SETD9: variants seen among roughly 807,000 people sequenced by gnomAD.
The protein encoded by SETD9 is SET domain-containing protein 9.
SETD9 carries 37 observed loss-of-function variants against 36.4 expected under a neutral mutation model. The ratio of observed to expected loss-of-function variants is 1.02; its 90% CI spans 0.78 to 1.34. SETD9 has a LOEUF of 1.34. SETD9 is among the 40% of genes most tolerant of loss of function. The probability of loss-of-function intolerance (pLI) is 0.00; values close to 1 mark genes in which losing one functional copy is unlikely to be tolerated. For synonymous variants in SETD9, 128 were observed against 132.9 expected (o/e 0.96, Z 0.26); for missense variants, 323 against 353.2 (o/e 0.91, Z 0.69).
At chr5:56,910,442 AC>A in intron 1 of SETD9, 3 of 1,265,606 alleles carry the variant, frequency 2.4e-6, no homozygotes, top group Non-Finnish European at 3.1e-6. Context: ...TCAGCTCAAC[AC>A]CGTGCTCACC....
At chr5:56,909,980 T>G (rs1418217890) in intron 1 of SETD9, 16 of 1,293,920 alleles carry the variant, frequency 1.2e-5, no homozygotes, top group East Asian at 2.8e-5. Context: ...CGAGGCCCGC[T>G]GGAAGCCTGA....
chr5:56,918,665 T>G (rs1263347913), downstream of SETD9, among the ~76,000 whole-genome samples: 1 of 152,194 alleles, frequency 6.6e-6, no homozygotes, highest in Non-Finnish European at 1.5e-5. Context: ...CAGAGCCCTA[T>G]GTGCTAAGGT....
chr5:56,909,588 C>T (rs1748980779), upstream of SETD9: 7 of 1,427,630 alleles, frequency 4.9e-6, no homozygotes, highest in South Asian at 7.6e-5. Flanking sequence ...CCGGGGCGGG[C>T]CCGAGGCCTC....
chr5:56,917,053 A>G lies in SETD9; in HGVS notation c.*151A>G. On this transcript the variant is annotated 3_prime_UTR_variant, in exon 6 of 6. Coordinates refer to ENST00000285947, the MANE Select transcript of SETD9 (RefSeq NM_153706.4). ...TTATGTTTTTGTTGATATTATATTTATGTTCCAATTTCATGATAAAAGCTA... is the reference window on the plus strand; with the variant it reads ...TTATGTTTTTGTTGATATTATATTTGTGTTCCAATTTCATGATAAAAGCTA... 1.5e-6 allele frequency: 2 copies of G among 1,318,108 alleles called. No homozygotes were observed. The highest frequency in any genetic ancestry group is 1.9e-6 in the Non-Finnish European group (2 of 1,039,330). 81.7% of individuals were successfully genotyped at this position (1,318,108 alleles called of 1,614,324 possible).
downstream of SETD9, chr5:56,922,340 T>C (rs573649994): frequency 6.6e-6 from 1 of 152,578 alleles, no homozygotes; most frequent in South Asian, 2.1e-4. Flanking sequence ...CATCTTCAAA[T>C]GCCAAAACTG....
At chr5:56,923,577 T>C in intron 5 of SETD9, 1 of 1,612,518 alleles carries the variant, frequency 6.2e-7, no homozygotes, top group East Asian at 2.2e-5. Flanking sequence ...GCTACACTGT[T>C]GGTCAAAGCT....
chr5:56,916,464 T>A (rs1010212241), intron 5 of SETD9, among the ~76,000 whole-genome samples: 6 of 152,226 alleles, frequency 3.9e-5, no homozygotes, highest in South Asian at 2.1e-4. Flanking sequence ...TTTTAAGTAA[T>A]GTTTTCATTT....
chr5:56,911,175 C>T lies in SETD9; in HGVS notation c.105C>T (p.Leu35=). 1 of 1,538,936 alleles carries T rather than the reference C, an allele frequency of 6.5e-7. No individual in the cohort carries two copies. Among genetic ancestry groups the T allele is most frequent in the South Asian group, 1.3e-5 (1 of 76,802 alleles). ...ALNLSHNPRT[L]RYVPEESKDK... ...AAACTTTTCCCATTTTCAGGACCCT[C>T]CGATATGTTCCAGAGGAATCCAAAG... The change falls in exon 2 of 6, where the codon CTC becomes CTT. Residue 35 remains leucine (L), a synonymous_variant. Transcript: ENST00000285947.
At position 56,913,097 on chromosome 5, in the gene SETD9, G is replaced by T. The variant is rs771705767; in HGVS notation, c.553G>T (p.Asp185Tyr). 1.2e-6 allele frequency: 2 copies of T among 1,614,100 alleles called. No homozygotes were observed. The highest frequency in any genetic ancestry group is 1.7e-6 in the Non-Finnish European group (2 of 1,179,994). Residue 185 changes from aspartate to tyrosine, a missense_variant, in exon 3 of 6, where the codon GAT becomes TAT. Transcript: ENST00000285947. Reference sequence around the variant, plus strand: ...TAGATGCCTGGATGGGGTACTCATTGATGGGAATGACAAAGGGATATCAAA... The same window carrying T: ...TAGATGCCTGGATGGGGTACTCATTTATGGGAATGACAAAGGGATATCAAA... ...IFRCLDGVLI[D>Y]GNDKGISKVV...
At chr5:56,925,603 A>C (rs1749930784), downstream of SETD9, 2 of 199,016 alleles carry the variant, frequency 1.0e-5, no homozygotes, top group Non-Finnish European at 2.1e-5. Flanking sequence ...TAAAGAAATC[A>C]AAGAAGAACT....
chr5:56,920,528 C>T (rs766136489), downstream of SETD9: 2 of 152,412 alleles, frequency 1.3e-5, no homozygotes, highest in Non-Finnish European at 2.9e-5. Flanking sequence ...ATTATTGTTT[C>T]TTCACATGAT....
At position 56,909,654 on chromosome 5, in the gene SETD9, C is replaced by G. The variant is rs754991442; in HGVS notation, c.9C>G (p.Gly3=). 2 of 1,606,986 alleles carry G rather than the reference C, an allele frequency of 1.2e-6. No homozygotes were observed. The highest frequency in any genetic ancestry group is 1.7e-6 in the Non-Finnish European group (2 of 1,177,560). Residue 3 remains glycine, a synonymous_variant, in exon 1 of 6, where the codon GGC becomes GGG. Coordinates refer to ENST00000285947, the MANE Select transcript of SETD9 (RefSeq NM_153706.4). Reference sequence around the variant, plus strand: ...GGCCCCGCGGGGCAGCCATGCCTGGCCGTCTGCTGCGGGGCCTGTGGCAGC... The same window carrying G: ...GGCCCCGCGGGGCAGCCATGCCTGGGCGTCTGCTGCGGGGCCTGTGGCAGC... MP[G]RLLRGLWQRW...
chr5:56,918,856 A>C (rs1013069174), downstream of SETD9, among the ~76,000 whole-genome samples: 1 of 152,216 alleles, frequency 6.6e-6, no homozygotes, highest in Non-Finnish European at 1.5e-5. Context: ...AGGAAATGAA[A>C]TATGGGGACA....
At chr5:56,919,126 C>CTTCT (rs1749545489), downstream of SETD9, among the ~76,000 whole-genome samples, 1 of 132,566 alleles carries the variant, frequency 7.5e-6, no homozygotes, top group Non-Finnish European at 1.6e-5. Context: ...TTTGGGACTT[C>CTTCT]TTTTTTTTTT....
chr5:56,919,873 T>C (rs1258280845), downstream of SETD9: 2 of 152,728 alleles, frequency 1.3e-5, no homozygotes, highest in East Asian at 1.9e-4. Flanking sequence ...ATAAAACTAA[T>C]AGTTTCCTCC....
chr5:56,922,032 TCA>T (rs1177030946), downstream of SETD9: 3 of 152,626 alleles, frequency 2.0e-5, no homozygotes, highest in East Asian at 5.8e-4. Context: ...AGATAGGAAC[TCA>T]CATTATTCTT....
At chr5:56,911,646 A>T in intron 2 of SETD9, 110 bp downstream of exon 2, 2 of 1,211,230 alleles carry the variant, frequency 1.7e-6, no homozygotes, top group Non-Finnish European at 2.2e-6. Context: ...TTAAATTGGA[A>T]ACTCGAGTTT....
intron 1 of SETD9, 142 bp downstream of exon 1, chr5:56,909,885 G>T (rs899889576): frequency 3.8e-6 from 3 of 794,696 alleles, no homozygotes. Context: ...ACTGAGGTGG[G>T]CGGGCCGGGT....
At chr5:56,913,805 T>C in intron 3 of SETD9, 69 bp from the exon 4 acceptor site, 1 of 926,688 alleles carries the variant, frequency 1.1e-6, no homozygotes, top group Non-Finnish European at 1.7e-6. Flanking sequence ...GGTGTAATTC[T>C]AGGGTTTTGT....
Sources: gnomAD v4.1 joint callset for allele counts (sites outside exome capture counted in the v4.1 genomes callset) on GRCh38, gnomAD v4.1.1 for gene constraint, MANE v1.5 for transcripts, NCBI Gene and HGNC (gene_info 2026-07-23, HGNC 2026-07-21) for gene names.